DEK: variants seen among roughly 807,000 people sequenced by gnomAD.
DEK encodes DEK proto-oncogene.
Under a neutral mutation model 46.8 loss-of-function variants are expected in DEK, and 28 were observed. That is an observed-to-expected ratio of 0.60 (90% confidence interval 0.44 to 0.82). DEK has a LOEUF of 0.82. DEK is among the 40% of genes least tolerant of loss of function. The pLI is 0.00. For missense variants in DEK, 416 were observed against 430.6 expected (o/e 0.97, Z 0.30); for synonymous variants, 160 against 144.5 (o/e 1.11, Z -0.77).
chr6:18,261,402 G>A (rs1791858388), intron 2 of DEK, among the ~76,000 whole-genome samples: 1 of 152,114 alleles, frequency 6.6e-6, no homozygotes, highest in Non-Finnish European at 1.5e-5. Context: ...GAGAAACCTT[G>A]TCTCTATTAA....
intron 2 of DEK, among the ~76,000 whole-genome samples, chr6:18,261,026 AGT>A (rs1791838472): frequency 6.7e-6 from 1 of 150,028 alleles, no homozygotes; most frequent in Non-Finnish European, 1.5e-5. Flanking sequence ...CTACTAGGGC[AGT>A]GTGGAGTGGA....
intron 7 of DEK, 85 bp downstream of exon 7, chr6:18,249,566 G>A: frequency 1.4e-6 from 2 of 1,406,866 alleles, no homozygotes; most frequent in Non-Finnish European, 1.9e-6. Flanking sequence ...CAATAAGGAA[G>A]TGTTTTCTGG....
Position 18,249,628 on chromosome 6 carries a change from AAAAATATAGT to A in DEK, c.762+13_762+22del. On this transcript the variant is annotated intron_variant, in intron 7 of 10. Transcript: ENST00000652689. ...CTCTCCCCATGGAAAGAAATGATTTAAAAATATAGTAAAATATTTTACCTCCTCTTCACTT... is the reference window on the plus strand; with the variant it reads ...CTCTCCCCATGGAAAGAAATGATTTAAAAATATTTTACCTCCTCTTCACTT... 2 of 1,523,798 alleles carry A rather than the reference AAAAATATAGT, an allele frequency of 1.3e-6. No homozygotes were observed. The highest frequency in any genetic ancestry group is 1.8e-6 in the Non-Finnish European group (2 of 1,139,728). The allele number at this position is 1,523,798 out of a possible 1,614,324, so 94.4% of individuals were successfully genotyped here.
chr6:18,234,307 C>G (rs1002843810), intron 9 of DEK, among the ~76,000 whole-genome samples: 2 of 151,078 alleles, frequency 1.3e-5, no homozygotes, highest in African/African-American at 4.9e-5. Context: ...TATATGTAAC[C>G]TGCACGTTGT....
chr6:18,239,257 G>A (rs1790800773), intron 7 of DEK, among the ~76,000 whole-genome samples: 1 of 149,392 alleles, frequency 6.7e-6, no homozygotes, highest in Non-Finnish European at 1.5e-5. Flanking sequence ...TAAGCACTGT[G>A]TTGAACCTAT....
At chr6:18,258,085 ATT>A in intron 3 of DEK, 23 bp from the exon 4 acceptor site, 1 of 1,489,474 alleles carries the variant, frequency 6.7e-7, no homozygotes, top group South Asian at 1.2e-5. Flanking sequence ...AAAAATCACA[ATT>A]AAATACCTAT....
chr6:18,242,596 CACTG>C lies in DEK; in HGVS notation c.763-5084_763-5081del, dbSNP rs573106876. 1.9e-3 allele frequency among the ~76,000 whole-genome samples: 285 copies of C among 152,294 alleles called. 1 individual carries two copies. Among genetic ancestry groups the C allele is most frequent in the African/African-American group, 6.6e-3 (276 of 41,560 alleles). ...ATCATCCCTTTGTCCAGCATATCCA[CACTG>C]TAGATGCTCCCAGAACCTTGGCCCA... is the stretch of plus-strand genomic sequence containing the variant. On this transcript the variant is annotated intron_variant, in intron 7 of 10. Coordinates refer to ENST00000652689, the MANE Select transcript of DEK (RefSeq NM_003472.4).
At chr6:18,242,893 C>G (rs1790956899) in intron 7 of DEK, among the ~76,000 whole-genome samples, 1 of 152,134 alleles carries the variant, frequency 6.6e-6, no homozygotes, top group African/African-American at 2.4e-5. Flanking sequence ...GGGAAAAGAA[C>G]TTTGTGCTGG....
intron 7 of DEK, 59 bp downstream of exon 7, chr6:18,249,592 G>A (rs1791272888): frequency 6.9e-7 from 1 of 1,450,240 alleles, no homozygotes; most frequent in Non-Finnish European, 9.1e-7. Flanking sequence ...CCTTATAGCA[G>A]AAATATTTAA....
At chr6:18,252,439 G>A (rs1272330456) in intron 6 of DEK, among the ~76,000 whole-genome samples, 8 of 135,564 alleles carry the variant, frequency 5.9e-5, no homozygotes, top group South Asian at 2.4e-4. Context: ...AGCCCAGGAG[G>A]TCAAGGTTGC....
In DEK at chr6:18,246,616, A is replaced by C. The variant is rs552351065; in HGVS notation, c.762+3035T>G. 4.6e-5 allele frequency among the ~76,000 whole-genome samples: 7 copies of C among 152,358 alleles called. No individual in the cohort carries two copies. In the East Asian group the frequency reaches 1.3e-3, roughly 29 times the overall value. On this transcript the variant is annotated intron_variant, in intron 7 of 10. Coordinates refer to ENST00000652689, the MANE Select transcript of DEK (RefSeq NM_003472.4). ...TCATCTTAACACTGAATTTACTTAT[A>C]AACACCTTAGTCTTCTACACATCTA... is the stretch of plus-strand genomic sequence containing the variant.
chr6:18,246,089 T>C (rs564866834), intron 7 of DEK, among the ~76,000 whole-genome samples: 13 of 152,392 alleles, frequency 8.5e-5, no homozygotes, highest in Non-Finnish European at 1.3e-4. Flanking sequence ...GTCTTGGGTA[T>C]GTCTTTATTA....
chr6:18,236,451 C>T lies in DEK; in HGVS notation c.1047+1G>A, dbSNP rs2151081145. ...AATAATCTAAACATTTGTCTAATTA[C>T]CTTTTTGCAAATCTGTTTCATTGTG... On this transcript the variant is annotated splice_donor_variant, in intron 9 of 10. Coordinates refer to ENST00000652689, the MANE Select transcript of DEK (RefSeq NM_003472.4). LOFTEE classifies it high-confidence loss of function. The T allele has an allele frequency of 6.2e-7, 1 of 1,609,300 alleles. No individual in the cohort carries two copies. The highest frequency in any genetic ancestry group is 8.5e-7 in the Non-Finnish European group (1 of 1,178,560).
intron 9 of DEK, among the ~76,000 whole-genome samples, chr6:18,233,856 A>G (rs1205679791): frequency 1.3e-5 from 2 of 152,226 alleles, no homozygotes; most frequent in African/African-American, 4.8e-5. Context: ...GGATATACCC[A>G]AAGGATTATA....
rs759252837 is a variant in DEK, at chr6:18,263,931, G to C, written c.57C>G (p.Ser19=). ...GACCGGGCATTTCGGGTTCTTTCTC[G>C]GACGCGGGCTGGGTGGGGGTTCCCT... ...EGEGTPTQPA[S]EKEPEMPGPR... is the part of the protein sequence containing the mutation. Residue 19 remains serine, a synonymous_variant, in exon 2 of 11, where the codon TCC becomes TCG. Transcript: ENST00000652689. The C allele has an allele frequency of 6.4e-5, 104 of 1,613,144 alleles. No homozygotes were observed. The highest frequency in any genetic ancestry group is 8.1e-5 in the Non-Finnish European group (96 of 1,179,686).
intron 4 of DEK, among the ~76,000 whole-genome samples, chr6:18,257,292 C>A (rs540317189): frequency 6.6e-6 from 1 of 152,244 alleles, no homozygotes; most frequent in South Asian, 2.1e-4. Flanking sequence ...TTCACTTATT[C>A]TGAATGTCGA....
intron 7 of DEK, chr6:18,244,696 G>C: frequency 2.0e-6 from 1 of 494,646 alleles, no homozygotes; most frequent in Non-Finnish European, 3.4e-6. Flanking sequence ...CAAGAGGAAA[G>C]AATGTGCAAG....
chr6:18,234,212 T>C (rs900739988), intron 9 of DEK, among the ~76,000 whole-genome samples: 4 of 150,152 alleles, frequency 2.7e-5, no homozygotes, highest in African/African-American at 7.4e-5. Flanking sequence ...GGGGGAGGGA[T>C]AGCATTAGGA....
intron 7 of DEK, chr6:18,244,397 C>T (rs1222633528): frequency 1.9e-5 from 9 of 465,750 alleles, no homozygotes; most frequent in South Asian, 4.3e-5. Context: ...GTTTCAAAAA[C>T]GTGAAGGGGA....
Sources: allele counts gnomAD v4.1 joint callset (sites outside exome capture counted in the v4.1 genomes callset), GRCh38; gene constraint gnomAD v4.1.1; transcripts MANE v1.5; gene names NCBI Gene and HGNC (gene_info 2026-07-23, HGNC 2026-07-21).